Variants in GAK observed in about 807,000 individuals in gnomAD.
GAK encodes cyclin G associated kinase, also known as cyclin-G-associated kinase.
GAK carries 79 observed loss-of-function variants against 143.9 expected under a neutral mutation model. That is an observed-to-expected ratio of 0.55 (90% confidence interval 0.46 to 0.66). The LOEUF is 0.66. GAK is among the 30% of genes least tolerant of loss of function. The probability of loss-of-function intolerance (pLI) is 0.00; values close to 1 mark genes in which losing one functional copy is unlikely to be tolerated. For synonymous variants in GAK, 881 were observed against 765.5 expected (o/e 1.15, Z -2.49); for missense variants, 1,693 against 1,779.7 (o/e 0.95, Z 0.88).
chr4:912,925 G>A, intron 2 of GAK, 131 bp from the exon 3 acceptor site: 1 of 621,792 alleles, frequency 1.6e-6, no homozygotes, highest in Admixed American at 2.7e-5. Flanking sequence ...CCCGTTTCGT[G>A]TGTCTCCACC....
chr4:910,166 C>A (rs1310326934), intron 4 of GAK, among the ~76,000 whole-genome samples: 2 of 152,162 alleles, frequency 1.3e-5, no homozygotes, highest in Non-Finnish European at 2.9e-5. Flanking sequence ...AGAGAAGAGA[C>A]CCTGCCCAAC....
intron 1 of GAK, among the ~76,000 whole-genome samples, chr4:931,444 G>A (rs771971266): frequency 3.4e-5 from 3 of 88,674 alleles, no homozygotes; most frequent in Admixed American, 1.8e-4. Flanking sequence ...GGCTACAACC[G>A]CAACTACCTG....
intron 23 of GAK, among the ~76,000 whole-genome samples, chr4:863,193 G>A (rs1240672635): frequency 6.6e-6 from 1 of 152,262 alleles, no homozygotes; most frequent in African/African-American, 2.4e-5. Context: ...AGTGCAGGAA[G>A]TCTCTGCAGA....
At chr4:902,596 C>CAAAAAAAAACAAAAAAAAAA (rs1720089338) in intron 5 of GAK, among the ~76,000 whole-genome samples, 1 of 60,730 alleles carries the variant, frequency 1.6e-5, no homozygotes, top group African/African-American at 8.2e-5. Context: ...GTGACTGACT[C>CAAAAAAAAACAAAAAAAAAA]AAAAAAAAAA....
At chr4:918,909 G>C (rs1316422570) in intron 1 of GAK, among the ~76,000 whole-genome samples, 1 of 126,246 alleles carries the variant, frequency 7.9e-6, no homozygotes, top group East Asian at 2.5e-4. Flanking sequence ...ACCTTAGAAA[G>C]ACAGAAGGCT....
chr4:897,939 C>G (rs1719119827), intron 6 of GAK, 94 bp downstream of exon 6: 1 of 1,410,344 alleles, frequency 7.1e-7, no homozygotes, highest in East Asian at 2.6e-5. Context: ...CAGAGCGAGA[C>G]TCAAAGCACC....
chr4:859,804 TACG>T, intron 23 of GAK, 82 bp from the exon 24 acceptor site: 1 of 983,162 alleles, frequency 1.0e-6, no homozygotes, highest in Non-Finnish European at 1.5e-6. Flanking sequence ...GGCGCCTCCT[TACG>T]ACATGACAGC....
chr4:890,863 A>G (rs1362498732), intron 9 of GAK, among the ~76,000 whole-genome samples: 1 of 150,298 alleles, frequency 6.7e-6, no homozygotes. Flanking sequence ...GGTGCTCAGC[A>G]CTCCAGCCCA....
At chr4:898,441 G>A (rs552705913) in intron 5 of GAK, among the ~76,000 whole-genome samples, 2 of 152,376 alleles carry the variant, frequency 1.3e-5, no homozygotes, top group East Asian at 3.9e-4. Flanking sequence ...ACAGAGTTCA[G>A]TAAATGAGCC....
chr4:860,779 G>A (rs939941223), intron 23 of GAK, among the ~76,000 whole-genome samples: 17 of 148,364 alleles, frequency 1.1e-4, no homozygotes, highest in African/African-American at 3.8e-4. Context: ...AGGCCCTGGC[G>A]CACCTCGCAC....
At chr4:881,578 G>C (rs908052763) in intron 15 of GAK, among the ~76,000 whole-genome samples, 1 of 152,178 alleles carries the variant, frequency 6.6e-6, no homozygotes, top group South Asian at 2.1e-4. Flanking sequence ...CACGGCACCT[G>C]TGTCAGGTGC....
intron 5 of GAK, among the ~76,000 whole-genome samples, chr4:902,008 C>A (rs560216050): frequency 6.6e-6 from 1 of 152,150 alleles, no homozygotes; most frequent in Non-Finnish European, 1.5e-5. Flanking sequence ...GAGGCCAAGG[C>A]GGGAGGGTGA....
chr4:898,545 A>C (rs1379718382), intron 5 of GAK, among the ~76,000 whole-genome samples: 3 of 152,240 alleles, frequency 2.0e-5, no homozygotes, highest in African/African-American at 7.2e-5. Flanking sequence ...CCCATAAATC[A>C]AAGAAAGATA....
intron 6 of GAK, among the ~76,000 whole-genome samples, chr4:897,446 G>C (rs527541337): frequency 6.6e-6 from 1 of 152,172 alleles, no homozygotes; most frequent in African/African-American, 2.4e-5. Flanking sequence ...TGCAGAGAGC[G>C]CAAGTTAACT....
chr4:864,619 T>A (rs962965393), intron 23 of GAK, among the ~76,000 whole-genome samples: 1 of 151,826 alleles, frequency 6.6e-6, no homozygotes, highest in South Asian at 2.1e-4. Context: ...GTGACCCCCT[T>A]CCTGACAGGG....
intron 9 of GAK, among the ~76,000 whole-genome samples, chr4:891,647 C>T (rs977109812): frequency 6.6e-5 from 10 of 152,064 alleles, no homozygotes; most frequent in African/African-American, 1.5e-4. Context: ...ATCTGCCCAG[C>T]GGCACCTCCT....
intron 11 of GAK, among the ~76,000 whole-genome samples, chr4:885,515 A>C (rs776001308): frequency 3.3e-5 from 5 of 152,214 alleles, no homozygotes; most frequent in Non-Finnish European, 5.9e-5. Context: ...CCACCCCAGC[A>C]GCCCTGCGGG....
intron 1 of GAK, among the ~76,000 whole-genome samples, chr4:923,391 A>G (rs1318555062): frequency 1.3e-5 from 2 of 152,230 alleles, no homozygotes; most frequent in Admixed American, 1.3e-4. Context: ...GGCACAGGCC[A>G]GGCACAGTGG....
chr4:893,736 A>T, intron 8 of GAK, 138 bp downstream of exon 8: 1 of 988,992 alleles, frequency 1.0e-6, no homozygotes, highest in Non-Finnish European at 1.4e-6. Context: ...CCCCCCCCCC[A>T]GGGATGTTGT....
Sources: allele counts gnomAD v4.1 joint callset (sites outside exome capture counted in the v4.1 genomes callset), GRCh38; gene constraint gnomAD v4.1.1; transcripts MANE v1.5; gene names NCBI Gene and HGNC (gene_info 2026-07-23, HGNC 2026-07-21).